The following ARSG variants were observed in gnomAD, a reference collection of about 807,000 sequenced individuals.
ARSG encodes ASG.
In ARSG, 37 loss-of-function variants were observed where a neutral mutation model predicts 50.5. The observed-to-expected ratio is 0.73, with a 90% CI of 0.56 to 0.96. The LOEUF is 0.96. ARSG is among the 50% of genes least tolerant of loss of function. The probability of loss-of-function intolerance (pLI) is 0.00; values close to 1 mark genes in which losing one functional copy is unlikely to be tolerated. For missense variants in ARSG, 629 were observed against 675.3 expected, an observed-to-expected ratio of 0.93 and a Z score of 0.76; for synonymous variants, 225 against 254.6, an observed-to-expected ratio of 0.88 and a Z score of 1.11.
At chr17:68,313,888 A>G (rs1286126239) in intron 2 of ARSG, among the ~76,000 whole-genome samples, 5 of 152,048 alleles carry the variant, frequency 3.3e-5, no homozygotes, top group Non-Finnish European at 7.4e-5. Flanking sequence ...CATGTTGGCC[A>G]GGCTGGTCTT....
chr17:68,291,899 T>A (rs1168691264), intron 1 of ARSG, among the ~76,000 whole-genome samples: 2 of 151,454 alleles, frequency 1.3e-5, no homozygotes, highest in African/African-American at 4.9e-5. Context: ...CCGGGGCTGA[T>A]CCCGCGCGGC....
intron 2 of ARSG, among the ~76,000 whole-genome samples, chr17:68,309,390 C>T (rs113230660): frequency 0.016 from 2,506 of 152,326 alleles, 71 homozygotes; most frequent in African/African-American, 0.058. Context: ...GGCTCAAGTG[C>T]CACCAAAGTG....
At chr17:68,282,851 G>T (rs576579343) in intron 1 of ARSG, 3 of 150,594 alleles carry the variant, frequency 2.0e-5, no homozygotes, top group African/African-American at 7.4e-5. Context: ...GGGAGGCTGA[G>T]GCAGGAGAAT....
At chr17:68,324,259 C>T (rs1201730517) in intron 2 of ARSG, among the ~76,000 whole-genome samples, 1 of 152,082 alleles carries the variant, frequency 6.6e-6, no homozygotes, top group Non-Finnish European at 1.5e-5. Context: ...GTTGACCACG[C>T]TGACATTCTG....
chr17:68,271,068 G>C lies in ARSG; in HGVS notation c.-552+11642G>C. The C allele has an allele frequency of 6.2e-7, 1 of 1,614,190 alleles. No individual in the cohort carries two copies. The highest frequency in any genetic ancestry group is 1.1e-5 in the South Asian group (1 of 91,084). On this transcript the variant is annotated intron_variant, in intron 1 of 11. Coordinates refer to the ARSG transcript ENST00000448504. This position sits in a 1 kb window ranked among gnomAD's most constrained non-coding sequence, Gnocchi z 5.3. ...GAGACACAGTCAATAAGATGACGCAGATGAGCTCAATGTAAATCTTACGAA... is the reference window on the plus strand; with the variant it reads ...GAGACACAGTCAATAAGATGACGCACATGAGCTCAATGTAAATCTTACGAA...
intron 1 of ARSG, among the ~76,000 whole-genome samples, chr17:68,261,935 C>G (rs1233534632): frequency 6.6e-6 from 1 of 150,444 alleles, no homozygotes; most frequent in African/African-American, 2.4e-5. Context: ...GGTAGATCAC[C>G]TAGGTCAGGA....
At chr17:68,377,857 A>T (rs1006941834) in intron 8 of ARSG, among the ~76,000 whole-genome samples, 3 of 152,142 alleles carry the variant, frequency 2.0e-5, no homozygotes, top group Non-Finnish European at 2.9e-5. Flanking sequence ...CTTCCCAGTA[A>T]CTCTGATGTG....
intron 2 of ARSG, among the ~76,000 whole-genome samples, chr17:68,329,088 G>A (rs1215683473): frequency 2.0e-5 from 3 of 152,226 alleles, no homozygotes; most frequent in Non-Finnish European, 2.9e-5. Flanking sequence ...TGCTGCGGGT[G>A]TAGCCGGGTC....
intron 2 of ARSG, among the ~76,000 whole-genome samples, chr17:68,323,310 G>C (rs1159036135): frequency 2.6e-5 from 4 of 152,084 alleles, no homozygotes. Context: ...TTCTAGGTCT[G>C]AGAAGTCAAT....
chr17:68,411,667 C>T (rs1041158190), intron 11 of ARSG, among the ~76,000 whole-genome samples: 8 of 147,974 alleles, frequency 5.4e-5, no homozygotes, highest in African/African-American at 1.8e-4. Flanking sequence ...GAGTTCAATT[C>T]CTGGGTATCC....
At position 68,347,166 on chromosome 17, in the gene ARSG, T is replaced by G. The variant is rs1568498312; in HGVS notation, c.448T>G (p.Phe150Val). 2 of 1,613,934 alleles carry G rather than the reference T, an allele frequency of 1.2e-6. No individual in the cohort carries two copies. The highest frequency in any genetic ancestry group is 1.7e-5 in the Admixed American group (1 of 60,034). Reference sequence around the variant, plus strand: ...ACACCACGGCTCTTATCACCCCAACTTCCGTGGTAAGAATTCTTTTGGGGA... The same window carrying G: ...ACACCACGGCTCTTATCACCCCAACGTCCGTGGTAAGAATTCTTTTGGGGA... The part of the protein sequence containing the change: ...LGHHGSYHPN[F>V]RGFDYYFGIP... The change falls in exon 4 of 12, where the codon TTC (phenylalanine) becomes GTC (valine). Residue 150 changes from phenylalanine to valine, a missense_variant. Coordinates refer to ENST00000621439, the MANE Select transcript of ARSG (RefSeq NM_001267727.2).
In ARSG at chr17:68,323,487, C is replaced by T. The variant is rs72850714; in HGVS notation, c.218+15776C>T. On this transcript the variant is annotated intron_variant, in intron 2 of 11. Transcript: ENST00000621439. ...CTGATTTTGAACTCCTGGGCTCAAG[C>T]AGTCCTTCCACTTCACCTTCCCAAA... Among the ~76,000 whole-genome samples, 185 of 152,232 alleles carry T rather than the reference C, an allele frequency of 1.2e-3. 2 individuals carry two copies. The Middle Eastern group carries it at 0.031, about 25-fold the overall frequency.
intron 1 of ARSG, chr17:68,278,029 G>T: frequency 8.7e-7 from 1 of 1,155,112 alleles, no homozygotes; most frequent in Non-Finnish European, 1.3e-6. Flanking sequence ...CCATTACCAA[G>T]GTAGCCAAAT....
chr17:68,372,304 C>T (rs558520859), intron 8 of ARSG, among the ~76,000 whole-genome samples: 36 of 152,192 alleles, frequency 2.4e-4, no homozygotes, highest in African/African-American at 6.3e-4. Context: ...ATCGATCGAT[C>T]GATCGAAACA....
chr17:68,262,503 G>C (rs1555745445), intron 1 of ARSG, among the ~76,000 whole-genome samples: 1 of 151,400 alleles, frequency 6.6e-6, no homozygotes, highest in Non-Finnish European at 1.5e-5. Flanking sequence ...AGTGAGGCTA[G>C]TGTAGCAGGA....
intron 1 of ARSG, among the ~76,000 whole-genome samples, chr17:68,291,964 T>C (rs2076015771): frequency 6.6e-6 from 1 of 151,354 alleles, no homozygotes; most frequent in African/African-American, 2.4e-5. Context: ...TTCCTTCCAG[T>C]TTGGGTGTGA....
chr17:68,375,649 G>T (rs1240160042), intron 8 of ARSG, among the ~76,000 whole-genome samples: 2 of 152,182 alleles, frequency 1.3e-5, no homozygotes, highest in Non-Finnish European at 2.9e-5. Context: ...TACCATATTG[G>T]GTAGCAAATA....
At chr17:68,433,760 GTTTTTTTTTTTTTTTTTTTTTT>G in the ARSG span, among the ~76,000 whole-genome samples, 5 of 72,812 alleles carry the variant, frequency 6.9e-5, no homozygotes, top group Admixed American at 7.2e-4. Flanking sequence ...AAGGGTCATA[GTTTTTTTTTTTTTTTTTTTTTT>G]TTTTTTTTTT....
rs564077159 is a variant in ARSG at position 68,319,752 on chromosome 17, T to C, written c.218+12041T>C. Among the ~76,000 whole-genome samples, 16 of 152,234 alleles carry C rather than the reference T, an allele frequency of 1.1e-4. No individual in the cohort carries two copies. In the East Asian group the frequency reaches 2.9e-3, roughly 28 times the overall value. On this transcript the variant is annotated intron_variant, in intron 2 of 11. Coordinates refer to ENST00000621439, the MANE Select transcript of ARSG (RefSeq NM_001267727.2). ...AAGGGACCGATGGCCTGATGGCAAATAAAGACAAGAAAACCAGCCTTTAGA... is the reference window on the plus strand; with the variant it reads ...AAGGGACCGATGGCCTGATGGCAAACAAAGACAAGAAAACCAGCCTTTAGA...
Sources: allele counts gnomAD v4.1 joint callset (sites outside exome capture counted in the v4.1 genomes callset), GRCh38; gene constraint gnomAD v4.1.1; non-coding constraint Gnocchi (gnomAD v3.1); transcripts MANE v1.5; gene names NCBI Gene and HGNC (gene_info 2026-07-23, HGNC 2026-07-21).